Variants in SATB2 observed in about 807,000 individuals in gnomAD.
The protein encoded by SATB2 is SATB homeobox 2.
In SATB2, 1 loss-of-function variant was observed where a neutral mutation model predicts 73.4. The observed-to-expected ratio is 0.01, with a 90% CI of 0.00 to 0.06. The LOEUF is 0.06. SATB2 is among the 10% of genes least tolerant of loss of function. The pLI is 1.00. For synonymous variants in SATB2, 397 were observed against 367.0 expected (o/e 1.08, Z -0.93); for missense variants, 459 against 945.8 (o/e 0.49, Z 6.75).
Position 199,272,159 on chromosome 2 carries a change from A to G in SATB2, c.*52T>C. Reference sequence around the variant, plus strand: ...CTAACAAAAAACTTTTAAAGAAATGAAAGCAGAAAATCCTTGGACCGATGT... The same window carrying G: ...CTAACAAAAAACTTTTAAAGAAATGGAAGCAGAAAATCCTTGGACCGATGT... On this transcript the variant is annotated 3_prime_UTR_variant, in exon 11 of 11. Transcript: ENST00000417098. The surrounding 1 kb of genome is among the most constrained non-coding windows in gnomAD (Gnocchi z 6.7). The G allele has an allele frequency of 6.5e-7, 1 of 1,549,488 alleles. No individual in the cohort carries two copies. Among genetic ancestry groups the G allele is most frequent in the South Asian group, 1.1e-5 (1 of 89,782 alleles).
intron 2 of SATB2, among the ~76,000 whole-genome samples, chr2:199,441,401 ATTAT>A (rs1222747043): frequency 1.1e-4 from 16 of 152,300 alleles, no homozygotes; most frequent in South Asian, 2.1e-4. Flanking sequence ...TCTCAATTTT[ATTAT>A]TTATTATGAA....
intron 10 of SATB2, among the ~76,000 whole-genome samples, chr2:199,297,407 C>A (rs1042774703): frequency 6.6e-6 from 1 of 152,148 alleles, no homozygotes; most frequent in Non-Finnish European, 1.5e-5. Context: ...GGTGGTCATT[C>A]CCGGAAGAGT....
chr2:199,350,406 T>G (rs1012595661), intron 6 of SATB2, among the ~76,000 whole-genome samples: 6 of 151,496 alleles, frequency 4.0e-5, no homozygotes, highest in African/African-American at 1.5e-4. Context: ...GCTGGACAAC[T>G]GGGTGAGATG....
intron 8 of SATB2, among the ~76,000 whole-genome samples, chr2:199,327,238 G>A (rs1009948721): frequency 9.2e-5 from 14 of 152,088 alleles, no homozygotes; most frequent in Non-Finnish European, 1.6e-4. Flanking sequence ...TCAGGAGTTC[G>A]AGACCAGCAT....
chr2:199,403,077 G>A (rs930947311), intron 3 of SATB2, among the ~76,000 whole-genome samples: 2 of 152,194 alleles, frequency 1.3e-5, no homozygotes, highest in Non-Finnish European at 2.9e-5. Context: ...ATAGAATGCA[G>A]ACTTTTAAAA....
intron 8 of SATB2, among the ~76,000 whole-genome samples, chr2:199,327,809 C>T (rs529734759): frequency 3.3e-5 from 5 of 152,146 alleles, no homozygotes; most frequent in African/African-American, 1.2e-4. Flanking sequence ...TTAAGGCCTA[C>T]CTTTCCACCA....
intron 9 of SATB2, among the ~76,000 whole-genome samples, chr2:199,313,831 A>G (rs1687658648): frequency 1.3e-5 from 2 of 152,204 alleles, no homozygotes. Context: ...TAAGAACATT[A>G]CTAGAGGCAA....
At chr2:199,344,938 CAACT>C (rs1688607256) in intron 7 of SATB2, among the ~76,000 whole-genome samples, 2 of 152,166 alleles carry the variant, frequency 1.3e-5, no homozygotes, top group Admixed American at 6.6e-5. Flanking sequence ...TTCTCCCAAC[CAACT>C]GCCAAATCTC....
rs943567576 is a variant in SATB2, at chr2:199,313,353, G to A, written c.1543-4396C>T. 3.9e-5 allele frequency among the ~76,000 whole-genome samples: 6 copies of A among 152,086 alleles called. No homozygotes were observed. In the East Asian group the frequency reaches 7.7e-4, roughly 20 times the overall value. Reference sequence around the variant, plus strand: ...TAAGTGTAATAATACCAACAGGTTCGCAATTAAAACTTTACCTTCAAAATC... The same window carrying A: ...TAAGTGTAATAATACCAACAGGTTCACAATTAAAACTTTACCTTCAAAATC... On this transcript the variant is annotated intron_variant, in intron 9 of 10. Coordinates refer to ENST00000417098, the MANE Select transcript of SATB2 (RefSeq NM_001172509.2).
At chr2:199,346,369 C>T (rs926271419) in intron 7 of SATB2, among the ~76,000 whole-genome samples, 11 of 151,952 alleles carry the variant, frequency 7.2e-5, no homozygotes, top group Admixed American at 6.6e-4. Flanking sequence ...AGGATGGTCT[C>T]GATCTCTTGA....
intron 10 of SATB2, among the ~76,000 whole-genome samples, chr2:199,296,377 A>G (rs922018924): frequency 1.3e-5 from 2 of 152,160 alleles, no homozygotes; most frequent in Non-Finnish European, 2.9e-5. Context: ...CACCTAATTC[A>G]TGTTGTAATA....
chr2:199,459,925 C>G (rs1245653427), upstream of SATB2: 1 of 152,540 alleles, frequency 6.6e-6, no homozygotes, highest in African/African-American at 2.4e-5. This position sits in a 1 kb window ranked among gnomAD's most constrained non-coding sequence, Gnocchi z 4.2. Flanking sequence ...AGAAAGGGTC[C>G]CAGGAAGGAA....
At chr2:199,274,969 G>C (rs1692267694) in intron 10 of SATB2, among the ~76,000 whole-genome samples, 1 of 152,068 alleles carries the variant, frequency 6.6e-6, no homozygotes, top group Non-Finnish European at 1.5e-5. Flanking sequence ...TTCCAATTTT[G>C]GGGGAGAGAG....
chr2:199,386,989 C>A (rs1689983053), intron 3 of SATB2, among the ~76,000 whole-genome samples: 3 of 152,128 alleles, frequency 2.0e-5, no homozygotes, highest in Admixed American at 1.3e-4. Flanking sequence ...AATAAATATT[C>A]TTGGTTGGTT....
chr2:199,379,146 T>C (rs1446646), intron 5 of SATB2, among the ~76,000 whole-genome samples: 34,896 of 152,000 alleles, frequency 0.23, 5,377 homozygotes, highest in Non-Finnish European at 0.34. Context: ...CAATCCACCA[T>C]AGGAAAAATA....
rs377576611 is a variant in SATB2 at position 199,366,778 on chromosome 2, G to A, written c.700+1827C>T. On this transcript the variant is annotated intron_variant, in intron 6 of 10. Transcript: ENST00000417098. ...ATCAAGGTCTCAGTCTGCTTTTACAGCACTTAAAGATTTAATTGTGCATTT... is the reference window on the plus strand; with the variant it reads ...ATCAAGGTCTCAGTCTGCTTTTACAACACTTAAAGATTTAATTGTGCATTT... 4.8e-5 allele frequency among the ~76,000 whole-genome samples: 7 copies of A among 146,626 alleles called. No homozygotes were observed. The East Asian group carries it at 1.0e-3, about 21-fold the overall frequency.
intron 3 of SATB2, among the ~76,000 whole-genome samples, chr2:199,389,976 A>C (rs980959495): frequency 5.3e-5 from 8 of 152,180 alleles, no homozygotes; most frequent in African/African-American, 1.7e-4. Context: ...ATTTTGTCTA[A>C]TGTAATAGAT....
upstream of SATB2, among the ~76,000 whole-genome samples, chr2:199,468,680 T>C (rs1692642861): frequency 6.6e-6 from 1 of 152,170 alleles, no homozygotes; most frequent in Admixed American, 6.5e-5. Context: ...GCCGTCTTCG[T>C]TAAATGGGCT....
At chr2:199,323,290 G>A (rs1553546822) in intron 9 of SATB2, among the ~76,000 whole-genome samples, 3 of 151,970 alleles carry the variant, frequency 2.0e-5, no homozygotes, top group Non-Finnish European at 4.4e-5. Flanking sequence ...GTTTTCTCCT[G>A]AAAAAATCAA....
Sources: gnomAD v4.1 joint callset for allele counts (sites outside exome capture counted in the v4.1 genomes callset) on GRCh38, gnomAD v4.1.1 for gene constraint, Gnocchi (gnomAD v3.1) non-coding constraint, MANE v1.5 for transcripts, NCBI Gene and HGNC (gene_info 2026-07-23, HGNC 2026-07-21) for gene names.